The following OPCML variants were observed in gnomAD, a reference collection of about 807,000 sequenced individuals.
The protein encoded by OPCML is opioid-binding protein/cell adhesion molecule.
OPCML carries 13 observed loss-of-function variants against 37.8 expected under a neutral mutation model. The observed-to-expected ratio is 0.34, with a 90% confidence interval of 0.22 to 0.55. The LOEUF is 0.55. Among genes scored for constraint, OPCML ranks in the 20% least tolerant of loss-of-function variants. The probability of loss-of-function intolerance (pLI) is 0.91; values close to 1 mark genes in which losing one functional copy is unlikely to be tolerated. For missense variants in OPCML, 341 were observed against 435.6 expected, an observed-to-expected ratio of 0.78 and a Z score of 1.93; for synonymous variants, 176 against 168.8, an observed-to-expected ratio of 1.04 and a Z score of -0.33.
intron 2 of OPCML, among the ~76,000 whole-genome samples, chr11:132,893,976 A>T (rs1003055074): frequency 6.6e-6 from 1 of 152,138 alleles, no homozygotes; most frequent in African/African-American, 2.4e-5. Context: ...CATCACACAC[A>T]CACACAAGCA....
At chr11:133,428,729 A>G (rs1247586232) in intron 1 of OPCML, among the ~76,000 whole-genome samples, 2 of 152,190 alleles carry the variant, frequency 1.3e-5, no homozygotes, top group Non-Finnish European at 2.9e-5. Context: ...TGGGAAAGGA[A>G]GAGTGAATGA....
intron 1 of OPCML, among the ~76,000 whole-genome samples, chr11:132,994,821 C>A (rs938745913): frequency 6.6e-6 from 1 of 152,142 alleles, no homozygotes; most frequent in Non-Finnish European, 1.5e-5. Flanking sequence ...TGAATGGAAG[C>A]AATATAAGGT....
rs1176182272 is a variant in OPCML, at chr11:133,170,089, CT to C, written c.62-227080del. Among the ~76,000 whole-genome samples the C allele has an allele frequency of 3.9e-5, 6 of 152,332 alleles. No individual in the cohort carries two copies. In the East Asian group the frequency reaches 1.2e-3, roughly 29 times the overall value. On this transcript the variant is annotated intron_variant, in intron 1 of 7. Coordinates refer to ENST00000524381, the MANE Select transcript of OPCML (RefSeq NM_001012393.5). The stretch of plus-strand genomic sequence containing the variant: ...ATGAATATGCACTGTGAACCCTCCC[CT>C]CTACTCTTACAACCAAGCAATAACA...
chr11:133,310,243 G>A (rs1188399052), intron 1 of OPCML, among the ~76,000 whole-genome samples: 1 of 152,134 alleles, frequency 6.6e-6, no homozygotes, highest in Non-Finnish European at 1.5e-5. Flanking sequence ...CCTGGAAAAT[G>A]ACATGGGCCC....
intron 1 of OPCML, among the ~76,000 whole-genome samples, chr11:133,346,768 C>T (rs1944011417): frequency 2.0e-5 from 3 of 152,186 alleles, no homozygotes; most frequent in Non-Finnish European, 4.4e-5. Flanking sequence ...AATTTAACCT[C>T]TCTGAAAATT....
At position 133,162,351 on chromosome 11, in the gene OPCML, C is replaced by T. The variant is rs187417037; in HGVS notation, c.62-219341G>A. 1.6e-4 allele frequency among the ~76,000 whole-genome samples: 24 copies of T among 152,302 alleles called. No homozygotes were observed. In the East Asian group the frequency reaches 4.4e-3, roughly 28 times the overall value. ...AGCAGGCAGCGGACTTTGCCCTCCA[C>T]GTGCCCCAGAATTTTGCTGTGCGGT... On this transcript the variant is annotated intron_variant, in intron 1 of 7. Transcript: ENST00000524381.
chr11:132,686,054 C>T (rs1943148840), intron 2 of OPCML, among the ~76,000 whole-genome samples: 1 of 152,202 alleles, frequency 6.6e-6, no homozygotes, highest in Admixed American at 6.5e-5. Flanking sequence ...GCATTGTCTG[C>T]CTCACCTATA....
At chr11:132,936,112 G>T (rs1029817144) in intron 2 of OPCML, among the ~76,000 whole-genome samples, 1 of 152,172 alleles carries the variant, frequency 6.6e-6, no homozygotes, top group African/African-American at 2.4e-5. Flanking sequence ...GTGCGGGTGA[G>T]GGGAGGGAAG....
intron 1 of OPCML, among the ~76,000 whole-genome samples, chr11:133,228,980 C>G (rs1170812200): frequency 6.6e-6 from 1 of 152,152 alleles, no homozygotes; most frequent in Non-Finnish European, 1.5e-5. Flanking sequence ...CCGCGTAATT[C>G]TCGGTAAGTT....
intron 1 of OPCML, among the ~76,000 whole-genome samples, chr11:133,325,662 C>CATG (rs771668136): frequency 4.5e-4 from 68 of 152,040 alleles, no homozygotes; most frequent in Non-Finnish European, 8.2e-4. Flanking sequence ...TCCTAAGAAC[C>CATG]CATTATCAGG....
At chr11:133,031,004 C>T (rs1323801559) in intron 1 of OPCML, among the ~76,000 whole-genome samples, 1 of 152,148 alleles carries the variant, frequency 6.6e-6, no homozygotes, top group Non-Finnish European at 1.5e-5. Flanking sequence ...CTTCCCCCTA[C>T]AAATAGCTTG....
intron 1 of OPCML, among the ~76,000 whole-genome samples, chr11:133,305,231 T>C (rs899736210): frequency 6.6e-6 from 1 of 152,174 alleles, no homozygotes; most frequent in African/African-American, 2.4e-5. Flanking sequence ...CTTAGAGGGA[T>C]GTAATGAACA....
At chr11:133,510,155 C>T (rs1160633581) in intron 1 of OPCML, among the ~76,000 whole-genome samples, 1 of 152,212 alleles carries the variant, frequency 6.6e-6, no homozygotes, top group African/African-American at 2.4e-5. Context: ...GTTTGAGCAG[C>T]CAATGAGCAG....
At chr11:133,401,961 A>G (rs899966357) in intron 1 of OPCML, among the ~76,000 whole-genome samples, 2 of 152,222 alleles carry the variant, frequency 1.3e-5, no homozygotes, top group African/African-American at 2.4e-5. Flanking sequence ...CTGATTGTCA[A>G]TCTTGAAAAT....
intron 2 of OPCML, among the ~76,000 whole-genome samples, chr11:132,908,992 T>A (rs1020926315): frequency 6.6e-6 from 1 of 152,048 alleles, no homozygotes; most frequent in African/African-American, 2.4e-5. Flanking sequence ...CGGAAGAGCG[T>A]CGCTCAGGGG....
At position 132,437,244 on chromosome 11, in the gene OPCML, C is replaced by A; in HGVS notation, c.621G>T (p.Arg207=). The A allele has an allele frequency of 6.2e-7, 1 of 1,614,042 alleles. No individual in the cohort carries two copies. The highest frequency in any genetic ancestry group is 8.5e-7 in the Non-Finnish European group (1 of 1,179,916). The change falls in exon 5 of 8, where the codon CGG becomes CGT. Residue 207 remains arginine (R), a synonymous_variant. Transcript: ENST00000524381. ...ALNDVAAPDV[R]KVKITVNYPP... is the part of the protein sequence containing the mutation. The stretch of plus-strand genomic sequence containing the variant: ...CACAGTTTACAGTGATTTTTACTTT[C>A]CGCACATCGGGCGCAGCGACATCGT...
intron 3 of OPCML, among the ~76,000 whole-genome samples, chr11:132,606,415 C>G (rs2137812970): frequency 6.6e-6 from 1 of 152,292 alleles, no homozygotes; most frequent in Non-Finnish European, 1.5e-5. Context: ...CGTCTTAGAC[C>G]TCCGCTGCCT....
intron 7 of OPCML, among the ~76,000 whole-genome samples, chr11:132,433,635 T>C (rs773650828): frequency 8.5e-5 from 13 of 152,196 alleles, no homozygotes; most frequent in Non-Finnish European, 4.4e-5. Context: ...ACCCCCAGTA[T>C]GTCTGTATTT....
intron 4 of OPCML, among the ~76,000 whole-genome samples, chr11:132,495,259 G>A (rs2096227760): frequency 6.6e-6 from 1 of 152,100 alleles, no homozygotes; most frequent in Non-Finnish European, 1.5e-5. Flanking sequence ...AGTGACAAGG[G>A]CAATGACATT....
Sources: allele counts gnomAD v4.1 joint callset (sites outside exome capture counted in the v4.1 genomes callset), GRCh38; gene constraint gnomAD v4.1.1; transcripts MANE v1.5; gene names NCBI Gene and HGNC (gene_info 2026-07-23, HGNC 2026-07-21).